Variants in NEDD9 observed in about 807,000 individuals in gnomAD.
NEDD9 encodes the protein neural precursor cell expressed, developmentally down-regulated 9, also known as enhancer of filamentation 1.
In NEDD9, 26 loss-of-function variants were observed where a neutral mutation model predicts 76.6. The ratio of observed to expected loss-of-function variants is 0.34; its 90% confidence interval spans 0.25 to 0.47. The LOEUF is 0.47. Among genes scored for constraint, NEDD9 ranks in the 20% least tolerant of loss-of-function variants. NEDD9 has a pLI of 1.00. For synonymous variants in NEDD9, 392 were observed against 414.2 expected (o/e 0.95, Z 0.65); for missense variants, 937 against 1,058.5 (o/e 0.89, Z 1.59).
chr6:11,339,713 G>T (rs1762237640), intron 1 of NEDD9, among the ~76,000 whole-genome samples: 2 of 152,162 alleles, frequency 1.3e-5, no homozygotes, highest in African/African-American at 2.4e-5. Context: ...CCTGTGACCT[G>T]TGGGCCATTA....
At chr6:11,257,603 T>G (rs1393202968) in intron 3 of NEDD9, among the ~76,000 whole-genome samples, 2 of 152,212 alleles carry the variant, frequency 1.3e-5, no homozygotes, top group South Asian at 2.1e-4. Context: ...TTCTAATTTT[T>G]TCTGGGGTCC....
chr6:11,291,423 T>C (rs1434164415), intron 3 of NEDD9, among the ~76,000 whole-genome samples: 1 of 152,032 alleles, frequency 6.6e-6, no homozygotes, highest in Non-Finnish European at 1.5e-5. Flanking sequence ...TACAGGCACC[T>C]GCCACCAAGC....
chr6:11,304,094 A>G (rs1238945278), intron 3 of NEDD9, among the ~76,000 whole-genome samples: 2 of 152,254 alleles, frequency 1.3e-5, no homozygotes, highest in Non-Finnish European at 2.9e-5. Context: ...TCTACAAAGA[A>G]CTTAAACAAA....
chr6:11,309,532 G>A (rs1047730807), intron 2 of NEDD9, among the ~76,000 whole-genome samples: 3 of 152,234 alleles, frequency 2.0e-5, no homozygotes, highest in Admixed American at 6.5e-5. Context: ...CAGGCTCACA[G>A]AACCTTGCCT....
chr6:11,194,845 ATT>A (rs780521434), intron 2 of NEDD9, among the ~76,000 whole-genome samples: 4 of 152,164 alleles, frequency 2.6e-5, no homozygotes, highest in Non-Finnish European at 5.9e-5. Flanking sequence ...CCAGCAAAAA[ATT>A]ATTTGAACTT....
At chr6:11,346,249 G>T (rs539160814) in intron 1 of NEDD9, among the ~76,000 whole-genome samples, 1 of 152,240 alleles carries the variant, frequency 6.6e-6, no homozygotes, top group African/African-American at 2.4e-5. Flanking sequence ...TGTAATATTT[G>T]TACCTTTTAT....
At position 11,305,917 on chromosome 6, in the gene NEDD9, T is replaced by C. The variant is rs1761172839; in HGVS notation, c.12+75A>G. ...CAAAAAAACATGATTTGTATTATTA[T>C]TGCAGAGAATTTAGGCTGAGCAAAC... On this transcript the variant is annotated intron_variant, in intron 3 of 3. Transcript: ENST00000397378. The C allele has an allele frequency of 5.3e-6, 8 of 1,498,350 alleles. No individual in the cohort carries two copies. In the South Asian group the frequency reaches 5.6e-5, roughly 11 times the overall value. 92.8% of individuals were successfully genotyped at this position (1,498,350 alleles called of 1,614,324 possible).
At chr6:11,240,042 C>CAAA (rs144360623) in intron 3 of NEDD9, among the ~76,000 whole-genome samples, 2 of 92,006 alleles carry the variant, frequency 2.2e-5, no homozygotes, top group Non-Finnish European at 4.7e-5. Context: ...GACTTCATCT[C>CAAA]AAAAAAAAAA....
intron 1 of NEDD9, among the ~76,000 whole-genome samples, chr6:11,364,776 T>A (rs1161498925): frequency 6.6e-6 from 1 of 152,132 alleles, no homozygotes; most frequent in African/African-American, 2.4e-5. Flanking sequence ...TTTTTCGCCA[T>A]CCCACTAACA....
chr6:11,266,466 A>G (rs888002757), intron 3 of NEDD9, among the ~76,000 whole-genome samples: 1 of 152,106 alleles, frequency 6.6e-6, no homozygotes, highest in African/African-American at 2.4e-5. Context: ...CCCTGCCCCA[A>G]ACTCTGGAAA....
At position 11,261,688 on chromosome 6, in the gene NEDD9, G is replaced by A. The variant is rs185451978; in HGVS notation, c.12+44304C>T. 1.2e-3 allele frequency among the ~76,000 whole-genome samples: 188 copies of A among 152,328 alleles called. 1 individual carries two copies. Among genetic ancestry groups the A allele is most frequent in the Non-Finnish European group, 2.0e-3 (136 of 68,030 alleles). On this transcript the variant is annotated intron_variant, in intron 3 of 3. Transcript: ENST00000397378. Reference sequence around the variant, plus strand: ...GACTACCTTTATGGGAACAATCAGAGAGATTATATGGATGCGGATCATGGA... The same window carrying A: ...GACTACCTTTATGGGAACAATCAGAAAGATTATATGGATGCGGATCATGGA...
chr6:11,221,137 C>T (rs1399724012), intron 1 of NEDD9, among the ~76,000 whole-genome samples: 1 of 152,078 alleles, frequency 6.6e-6, no homozygotes, highest in South Asian at 2.1e-4. Flanking sequence ...AATCCCAGCA[C>T]TTTGGGAGGC....
Position 11,183,809 on chromosome 6 carries a change from C to CTGGGCCAAAAGAT in NEDD9, c.*1340_*1352dup, listed in dbSNP as rs1344187550. On this transcript the variant is annotated 3_prime_UTR_variant, in exon 7 of 7. Transcript: ENST00000379446. ...CTGGAATAAAAATGCTAAATAAGAA[C>CTGGGCCAAAAGAT]TGGGCCAAAAGATCATAGATAATGT... 2 of 152,132 alleles carry CTGGGCCAAAAGAT rather than the reference C, an allele frequency of 1.3e-5. No homozygotes were observed. The highest frequency in any genetic ancestry group is 4.8e-5 in the African/African-American group (2 of 41,410). The allele number at this position is 152,132 out of a possible 1,614,324, so 9.4% of individuals were successfully genotyped here. A position where few individuals can be genotyped will look rare whatever the true frequency, so the allele number is the denominator to read the frequency against.
chr6:11,197,454 T>TA (rs1159439092), intron 2 of NEDD9, among the ~76,000 whole-genome samples: 2 of 152,186 alleles, frequency 1.3e-5, no homozygotes, highest in Non-Finnish European at 2.9e-5. Flanking sequence ...GCACTTTCCA[T>TA]ATGTGGATTT....
intron 3 of NEDD9, among the ~76,000 whole-genome samples, chr6:11,240,042 CAAAAA>C (rs144360623): frequency 2.2e-5 from 2 of 92,046 alleles, no homozygotes; most frequent in African/African-American, 8.2e-5. Flanking sequence ...GACTTCATCT[CAAAAA>C]AAAAAAAAAA....
intron 1 of NEDD9, among the ~76,000 whole-genome samples, chr6:11,222,895 G>T (rs1297694751): frequency 6.6e-6 from 1 of 152,222 alleles, no homozygotes; most frequent in Non-Finnish European, 1.5e-5. Context: ...TTTGAGTAGG[G>T]CAGTTATTTT....
rs79020062 is a variant in NEDD9, at chr6:11,366,807, G to A, written c.-214+15332C>T. ...AGTTGCCCAACTTCATGTGAGTTACGTCATCTTTCCCACCGTGATCTCCTC... is the reference window on the plus strand; with the variant it reads ...AGTTGCCCAACTTCATGTGAGTTACATCATCTTTCCCACCGTGATCTCCTC... On this transcript the variant is annotated intron_variant, in intron 1 of 3. Coordinates refer to the NEDD9 transcript ENST00000397378. Among the ~76,000 whole-genome samples, 80 of 152,234 alleles carry A rather than the reference G, an allele frequency of 5.3e-4. 1 individual carries two copies. The East Asian group carries it at 0.014, about 27-fold the overall frequency.
chr6:11,319,617 TCACA>T (rs372350542), intron 2 of NEDD9, among the ~76,000 whole-genome samples: 6 of 88,484 alleles, frequency 6.8e-5, no homozygotes, highest in Admixed American at 2.4e-4. Context: ...ACACTCACAC[TCACA>T]CACACACACA....
At position 11,188,242 on chromosome 6, in the gene NEDD9, G is replaced by A; in HGVS notation, c.1971C>T (p.Asn657=). The change falls in exon 6 of 7, where the codon AAC becomes AAT. Residue 657 remains asparagine, a synonymous_variant. Transcript: ENST00000379446. The stretch of plus-strand genomic sequence containing the variant: ...CCTGATGATGTTCCAGCTGCATCTT[G>A]TTCTGTTTCATGATATTCTCTTTTT... ...LLEKENIMKQ[N]KMQLEHHQLS... 5 of 1,614,058 alleles carry A rather than the reference G, an allele frequency of 3.1e-6. No individual in the cohort carries two copies. The highest frequency in any genetic ancestry group is 4.2e-6 in the Non-Finnish European group (5 of 1,179,942).
Sources: gnomAD v4.1 joint callset for allele counts (sites outside exome capture counted in the v4.1 genomes callset) on GRCh38, gnomAD v4.1.1 for gene constraint, MANE v1.5 for transcripts, NCBI Gene and HGNC (gene_info 2026-07-23, HGNC 2026-07-21) for gene names.